Variants in METTL2B observed in about 807,000 individuals in gnomAD.
The protein encoded by METTL2B is methyltransferase 2B, tRNA N3-cytidine, also known as tRNA N(3)-cytidine methyltransferase METTL2B.
Under a neutral mutation model 51.0 loss-of-function variants are expected in METTL2B, and 28 were observed. That is an observed-to-expected ratio of 0.55 (90% CI 0.41 to 0.75). METTL2B has a LOEUF of 0.75. METTL2B is among the 30% of genes least tolerant of loss of function. METTL2B has a pLI of 0.00. For synonymous variants in METTL2B, 128 were observed against 166.3 expected (o/e 0.77, Z 1.77); for missense variants, 313 against 460.7 (o/e 0.68, Z 2.93).
At chr7:128,493,680 A>C in intron 5 of METTL2B, 124 bp from the exon 6 acceptor site, 1 of 1,404,880 alleles carries the variant, frequency 7.1e-7, no homozygotes, top group Non-Finnish European at 9.6e-7. Context: ...AAAAAAAAGA[A>C]AAAAGAAATA....
intron 5 of METTL2B, among the ~76,000 whole-genome samples, chr7:128,490,807 G>T (rs1792814753): frequency 6.6e-6 from 1 of 152,196 alleles, no homozygotes; most frequent in South Asian, 2.1e-4. Context: ...ATCAGCTTTG[G>T]CCAATGAGAA....
rs1469993049 is a variant in METTL2B, at chr7:128,502,627, G to A, written c.*711G>A. On this transcript the variant is annotated 3_prime_UTR_variant, in exon 9 of 9. Coordinates refer to ENST00000262432, the MANE Select transcript of METTL2B (RefSeq NM_018396.3). ...CTTTAATCTTAGTTCCGCCAGGCAC[G>A]GTGGCTCACACCTGTAATCCCAGCA... 7 of 453,394 alleles carry A rather than the reference G, an allele frequency of 1.5e-5. No individual in the cohort carries two copies. The highest frequency in any genetic ancestry group is 3.1e-5 in the South Asian group (2 of 64,384). The allele number at this position is 453,394 out of a possible 1,614,324, so 28.1% of individuals were successfully genotyped here. A position where few individuals can be genotyped will look rare whatever the true frequency, so the allele number is the denominator to read the frequency against.
rs1799860133 is a variant in METTL2B, at chr7:128,480,502, C to T, written c.559-145C>T. On this transcript the variant is annotated intron_variant, in intron 3 of 8. Coordinates refer to ENST00000262432, the MANE Select transcript of METTL2B (RefSeq NM_018396.3). ...AGTCAACATCAAAATCAACAAATGTCATGGGTACTGTTTAGCTCTGGTCAC... is the reference window on the plus strand; with the variant it reads ...AGTCAACATCAAAATCAACAAATGTTATGGGTACTGTTTAGCTCTGGTCAC... 14 of 1,375,670 alleles carry T rather than the reference C, an allele frequency of 1.0e-5. 1 individual carries two copies. In the South Asian group the frequency reaches 2.0e-4, roughly 20 times the overall value. The allele number at this position is 1,375,670 out of a possible 1,614,324, so 85.2% of individuals were successfully genotyped here. A position where few individuals can be genotyped will look rare whatever the true frequency, so the allele number is the denominator to read the frequency against.
chr7:128,495,492 C>T (rs935030469), intron 6 of METTL2B, among the ~76,000 whole-genome samples: 2 of 151,922 alleles, frequency 1.3e-5, no homozygotes, highest in African/African-American at 4.8e-5. Flanking sequence ...ACTCTGTTGC[C>T]CAGGCTGGAG....
intron 6 of METTL2B, among the ~76,000 whole-genome samples, chr7:128,495,789 G>C (rs1433328058): frequency 6.6e-6 from 1 of 152,122 alleles, no homozygotes; most frequent in African/African-American, 2.4e-5. Context: ...TCAGATGGTG[G>C]CTAAGAGATT....
chr7:128,477,237 A>T, intron 2 of METTL2B, 64 bp downstream of exon 2: 2 of 1,604,120 alleles, frequency 1.2e-6, no homozygotes. Flanking sequence ...GCCCTCCCGG[A>T]GAGGCCAGGG....
At chr7:128,500,578 C>T (rs1563031966) in intron 7 of METTL2B, among the ~76,000 whole-genome samples, 2 of 152,032 alleles carry the variant, frequency 1.3e-5, no homozygotes, top group South Asian at 2.1e-4. Flanking sequence ...TCTGAGGTCA[C>T]GCCATTGCAC....
At chr7:128,488,251 T>A (rs1792755949) in intron 5 of METTL2B, 90 bp downstream of exon 5, 1 of 1,442,762 alleles carries the variant, frequency 6.9e-7, no homozygotes, top group East Asian at 2.3e-5. Flanking sequence ...GCTGTGTTCT[T>A]ATACGGTCTG....
In METTL2B at chr7:128,484,217, C is replaced by CTTTTT. The variant is rs574117158; in HGVS notation, c.608+3545_608+3549dup. 3.5e-4 allele frequency: 15 copies of CTTTTT among 42,410 alleles called. 1 individual carries two copies. The East Asian group carries it at 5.6e-3, about 16-fold the overall frequency. 2.6% of individuals were successfully genotyped at this position (42,410 alleles called of 1,614,324 possible). On this transcript the variant is annotated intron_variant, in intron 4 of 8. Coordinates refer to ENST00000262432, the MANE Select transcript of METTL2B (RefSeq NM_018396.3). ...CTTGAGTTACCCTATTGCCTAGATCCTTTTTTTTTTTTTTTTTTTTTTTTT... is the reference window on the plus strand; with the variant it reads ...CTTGAGTTACCCTATTGCCTAGATCCTTTTTTTTTTTTTTTTTTTTTTTTTTTTTT...
In METTL2B at chr7:128,477,100, G is replaced by C. The variant is rs1186890062; in HGVS notation, c.129G>C (p.Ser43=). ...HHNAWDNVEW[S]EEQAAAAERK... is the part of the protein sequence containing the mutation. ...TTCTCAGGGACAATGTGGAGTGGTC[G>C]GAAGAGCAAGCCGCGGCGGCGGAGA... The change falls in exon 2 of 9, where the codon TCG becomes TCC. Residue 43 remains serine, a synonymous_variant. Coordinates refer to ENST00000262432, the MANE Select transcript of METTL2B (RefSeq NM_018396.3). The C allele has an allele frequency of 1.2e-6, 2 of 1,614,080 alleles. No individual in the cohort carries two copies. Among genetic ancestry groups the C allele is most frequent in the Admixed American group, 1.7e-5 (1 of 60,002 alleles).
At chr7:128,486,651 G>A (rs1422219984) in intron 4 of METTL2B, among the ~76,000 whole-genome samples, 4 of 151,944 alleles carry the variant, frequency 2.6e-5, no homozygotes, top group Non-Finnish European at 5.9e-5. Context: ...CTTGCCAGGC[G>A]CGGTGGCTCA....
chr7:128,501,674 C>T, intron 8 of METTL2B, 88 bp from the exon 9 acceptor site: 1 of 1,548,422 alleles, frequency 6.5e-7, no homozygotes, highest in South Asian at 1.3e-5. Flanking sequence ...CAGCAACTTC[C>T]CAGAGCCCCA....
In METTL2B at chr7:128,502,495, G is replaced by A. The variant is rs1451230241; in HGVS notation, c.*579G>A. On this transcript the variant is annotated 3_prime_UTR_variant, in exon 9 of 9. Coordinates refer to ENST00000262432, the MANE Select transcript of METTL2B (RefSeq NM_018396.3). The stretch of plus-strand genomic sequence containing the variant: ...AAGGGCTTATTAAGTTGTAGGGGAA[G>A]CAAGCTGGGAAGAATCAGATCAGAT... 1 of 417,726 alleles carries A rather than the reference G, an allele frequency of 2.4e-6. No individual in the cohort carries two copies. The highest frequency in any genetic ancestry group is 4.7e-6 in the Non-Finnish European group (1 of 212,660). The allele number at this position is 417,726 out of a possible 1,614,324, so 25.9% of individuals were successfully genotyped here. A position where few individuals can be genotyped will look rare whatever the true frequency, so the allele number is the denominator to read the frequency against.
At position 128,483,980 on chromosome 7, in the gene METTL2B, T is replaced by A. The variant is rs528394516; in HGVS notation, c.608+3284T>A. Reference sequence around the variant, plus strand: ...TTCAGGTGATCCACCCGCCTCAGCCTCCCAAAGTGCTGGGATTACAGGTGT... The same window carrying A: ...TTCAGGTGATCCACCCGCCTCAGCCACCCAAAGTGCTGGGATTACAGGTGT... On this transcript the variant is annotated intron_variant, in intron 4 of 8. Transcript: ENST00000262432. 2.0e-5 allele frequency: 3 copies of A among 152,396 alleles called. No individual in the cohort carries two copies. In the South Asian group the frequency reaches 6.2e-4, roughly 32 times the overall value. The allele number at this position is 152,396 out of a possible 1,614,324, so 9.4% of individuals were successfully genotyped here.
At chr7:128,498,716 C>T (rs929304476) in intron 7 of METTL2B, among the ~76,000 whole-genome samples, 4 of 152,026 alleles carry the variant, frequency 2.6e-5, no homozygotes, top group African/African-American at 7.2e-5. Flanking sequence ...ATTTGAAAGA[C>T]AGCCGGGCGC....
intron 6 of METTL2B, among the ~76,000 whole-genome samples, chr7:128,495,490 G>T (rs1184443254): frequency 6.6e-6 from 1 of 151,748 alleles, no homozygotes; most frequent in African/African-American, 2.4e-5. Context: ...TCACTCTGTT[G>T]CCCAGGCTGG....
intron 1 of METTL2B, 81 bp downstream of exon 1, chr7:128,476,956 G>GCCTGCCACGAGTCAAGCTGCCCTAC (rs1563025566): frequency 6.5e-7 from 1 of 1,537,814 alleles, no homozygotes; most frequent in Non-Finnish European, 8.9e-7. Flanking sequence ...GCCCCTGACC[G>GCCTGCCACGAGTCAAGCTGCCCTAC]CCGGCCACGA....
chr7:128,487,198 T>C (rs1764896100), intron 4 of METTL2B, among the ~76,000 whole-genome samples: 1 of 152,142 alleles, frequency 6.6e-6, no homozygotes, highest in Admixed American at 6.6e-5. Flanking sequence ...CTCCCAGAAG[T>C]TGTCTGCTCC....
At chr7:128,479,650 A>G (rs1021134423) in intron 3 of METTL2B, 137 bp downstream of exon 3, 90 of 902,844 alleles carry the variant, frequency 1.0e-4, no homozygotes, top group Middle Eastern at 2.5e-4. Flanking sequence ...ATTAGCCTGG[A>G]ATCACCTCCA....
Sources: gnomAD v4.1 joint callset for allele counts (sites outside exome capture counted in the v4.1 genomes callset) on GRCh38, gnomAD v4.1.1 for gene constraint, MANE v1.5 for transcripts, NCBI Gene and HGNC (gene_info 2026-07-23, HGNC 2026-07-21) for gene names.